CTNNA3: variants seen among roughly 807,000 people sequenced by gnomAD.
The protein encoded by CTNNA3 is catenin alpha-3.
A neutral mutation model predicts 95.7 loss-of-function variants in CTNNA3; 76 were observed. The observed-to-expected ratio is 0.79, with a 90% CI of 0.66 to 0.96. The LOEUF is 0.96. Among genes scored for constraint, CTNNA3 ranks in the 40% least tolerant of loss-of-function variants. CTNNA3 has a pLI of 0.00. For synonymous variants in CTNNA3, 431 were observed against 374.4 expected (o/e 1.15, Z -1.74); for missense variants, 1,191 against 1,089.8 (o/e 1.09, Z -1.31).
intron 1 of CTNNA3, among the ~76,000 whole-genome samples, chr10:67,654,934 ATAAT>A (rs935109245): frequency 2.2e-4 from 33 of 152,202 alleles, no homozygotes; most frequent in African/African-American, 7.2e-4. Flanking sequence ...TCATGAGTAA[ATAAT>A]TAAAGGTTAA....
intron 5 of CTNNA3, among the ~76,000 whole-genome samples, chr10:67,341,809 C>A (rs1361210106): frequency 6.6e-6 from 1 of 152,068 alleles, no homozygotes; most frequent in Non-Finnish European, 1.5e-5. Context: ...TATAATCCCA[C>A]CAAGAGTGTA....
chr10:66,618,954 G>GA (rs1456450533), intron 10 of CTNNA3, among the ~76,000 whole-genome samples: 1 of 152,100 alleles, frequency 6.6e-6, no homozygotes, highest in East Asian at 1.9e-4. Context: ...ACAGACACAT[G>GA]AAAAAATGCT....
chr10:67,370,531 A>G (rs969157651), intron 5 of CTNNA3, among the ~76,000 whole-genome samples: 1 of 152,224 alleles, frequency 6.6e-6, no homozygotes, highest in Admixed American at 6.5e-5. Context: ...AAATCTTACA[A>G]TAGTATAGTT....
chr10:66,066,937 T>A (rs2080324845), intron 15 of CTNNA3, among the ~76,000 whole-genome samples: 1 of 152,162 alleles, frequency 6.6e-6, no homozygotes, highest in Non-Finnish European at 1.5e-5. Flanking sequence ...ACCATTTGTT[T>A]AATCATCCCA....
At chr10:67,247,816 A>C (rs980942618) in intron 5 of CTNNA3, among the ~76,000 whole-genome samples, 8 of 152,188 alleles carry the variant, frequency 5.3e-5, no homozygotes, top group African/African-American at 1.9e-4. Context: ...ATGTACAACT[A>C]TTATACAAAC....
At chr10:66,628,439 A>G (rs765692364) in intron 9 of CTNNA3, among the ~76,000 whole-genome samples, 3 of 152,132 alleles carry the variant, frequency 2.0e-5, no homozygotes, top group Non-Finnish European at 2.9e-5. Context: ...TTAGGTTATT[A>G]AACTTAACTG....
At chr10:67,689,589 C>T (rs893205583) in intron 1 of CTNNA3, among the ~76,000 whole-genome samples, 8 of 152,096 alleles carry the variant, frequency 5.3e-5, no homozygotes, top group Admixed American at 4.6e-4. Flanking sequence ...GGGCAAGTCT[C>T]GCTTGGGTGA....
chr10:67,610,153 C>T (rs1242011415), intron 2 of CTNNA3, among the ~76,000 whole-genome samples: 3 of 152,228 alleles, frequency 2.0e-5, no homozygotes, highest in South Asian at 2.1e-4. Context: ...CATGATGCTT[C>T]CCACTGCACA....
chr10:66,364,449 TAA>T (rs2092697786), intron 12 of CTNNA3, among the ~76,000 whole-genome samples: 1 of 151,968 alleles, frequency 6.6e-6, no homozygotes, highest in African/African-American at 2.4e-5. Context: ...TAAAAATGTA[TAA>T]GATTGGCAGA....
chr10:67,614,852 G>A (rs1025623597), intron 2 of CTNNA3, among the ~76,000 whole-genome samples: 2 of 152,160 alleles, frequency 1.3e-5, no homozygotes, highest in Non-Finnish European at 2.9e-5. Flanking sequence ...TTCTCCTGAG[G>A]CCTTGCTCCT....
chr10:66,543,012 AG>A (rs1482714942), intron 10 of CTNNA3, among the ~76,000 whole-genome samples: 1 of 152,176 alleles, frequency 6.6e-6, no homozygotes, highest in East Asian at 1.9e-4. Flanking sequence ...TAGCTTAAAA[AG>A]GCTACAGTAT....
intron 5 of CTNNA3, among the ~76,000 whole-genome samples, chr10:67,290,588 C>T (rs138902080): frequency 8.0e-4 from 121 of 152,196 alleles, no homozygotes; most frequent in Non-Finnish European, 1.5e-3. Context: ...AAAGTAGATG[C>T]TATATGTGTC....
rs1021282758 is a variant in CTNNA3, at chr10:66,054,295, A to G, written c.2159+15013T>C. On this transcript the variant is annotated intron_variant, in intron 15 of 17. Coordinates refer to ENST00000433211, the MANE Select transcript of CTNNA3 (RefSeq NM_013266.4). ...AAGTTCTAATTTTAGATTTTGAGTA[A>G]CCTCTATACTGTTCTCCACAGTGGC... Among the ~76,000 whole-genome samples, 3 of 152,214 alleles carry G rather than the reference A, an allele frequency of 2.0e-5. No individual in the cohort carries two copies. The South Asian group carries it at 6.2e-4, about 32-fold the overall frequency.
intron 9 of CTNNA3, among the ~76,000 whole-genome samples, chr10:66,710,064 T>G (rs1431930972): frequency 1.3e-5 from 2 of 152,162 alleles, no homozygotes; most frequent in Non-Finnish European, 2.9e-5. Context: ...CATAGAATGT[T>G]GAAACTGAAA....
chr10:66,446,442 C>A (rs190333381), intron 11 of CTNNA3, among the ~76,000 whole-genome samples: 1 of 151,740 alleles, frequency 6.6e-6, no homozygotes, highest in African/African-American at 2.4e-5. Context: ...ACTGGCAAAC[C>A]GAATCCAGCA....
intron 3 of CTNNA3, among the ~76,000 whole-genome samples, chr10:67,591,967 G>A (rs1243809887): frequency 1.3e-5 from 2 of 152,080 alleles, no homozygotes; most frequent in Non-Finnish European, 2.9e-5. Flanking sequence ...TCAAGCAAAG[G>A]AAAGTCTAAA....
At chr10:67,045,637 G>T (rs1239731494) in intron 7 of CTNNA3, among the ~76,000 whole-genome samples, 1 of 152,182 alleles carries the variant, frequency 6.6e-6, no homozygotes, top group Non-Finnish European at 1.5e-5. Context: ...CCGTTTCCCA[G>T]GACTAGGGGC....
chr10:66,708,983 T>G (rs567155126), intron 9 of CTNNA3, among the ~76,000 whole-genome samples: 1 of 152,242 alleles, frequency 6.6e-6, no homozygotes, highest in South Asian at 2.1e-4. Context: ...ATTCTATACT[T>G]ATCACCTCAC....
At chr10:67,215,199 A>C (rs1589873946) in intron 6 of CTNNA3, among the ~76,000 whole-genome samples, 1 of 151,900 alleles carries the variant, frequency 6.6e-6, no homozygotes, top group Non-Finnish European at 1.5e-5. Flanking sequence ...TAACCATTGA[A>C]TTTTTCATCA....
Sources: gnomAD v4.1 joint callset for allele counts (sites outside exome capture counted in the v4.1 genomes callset) on GRCh38, gnomAD v4.1.1 for gene constraint, MANE v1.5 for transcripts, NCBI Gene and HGNC (gene_info 2026-07-23, HGNC 2026-07-21) for gene names.